CKMT2: variants seen among roughly 807,000 people sequenced by gnomAD.
CKMT2 encodes the protein creatine kinase S-type, mitochondrial.
CKMT2 carries 43 observed loss-of-function variants against 48.9 expected under a neutral mutation model. That is an observed-to-expected ratio of 0.88 (90% CI 0.69 to 1.13). CKMT2 has a LOEUF of 1.13. Among genes scored for constraint, CKMT2 ranks in the 50% most tolerant of loss-of-function variants. The probability of loss-of-function intolerance (pLI) is 0.00; values close to 1 mark genes in which losing one functional copy is unlikely to be tolerated. For missense variants in CKMT2, 472 were observed against 555.4 expected (o/e 0.85, Z 1.51); for synonymous variants, 206 against 213.0 (o/e 0.97, Z 0.29).
chr5:81,258,655 T>C (rs1757100011), intron 7 of CKMT2, among the ~76,000 whole-genome samples: 1 of 152,102 alleles, frequency 6.6e-6, no homozygotes, highest in Non-Finnish European at 1.5e-5. Context: ...TAAGCCAGCA[T>C]TACTACCTGA....
intron 8 of CKMT2, among the ~76,000 whole-genome samples, chr5:81,259,610 T>C (rs775944569): frequency 5.9e-5 from 9 of 152,156 alleles, no homozygotes; most frequent in Non-Finnish European, 1.2e-4. Flanking sequence ...CCTGAAGGAC[T>C]TGGTAAAACA....
At position 81,252,669 on chromosome 5, in the gene CKMT2, GAC is replaced by G. The variant is rs747852236; in HGVS notation, c.153-24_153-23del. 13 of 1,612,400 alleles carry G rather than the reference GAC, an allele frequency of 8.1e-6. No individual in the cohort carries two copies. The South Asian group carries it at 1.2e-4, about 15-fold the overall frequency. ...CCCCTTTCCTCGGGGGCTGCTGGCT[GAC>G]AGCCTGCCCTCCTCCCCACACAGCG... is the stretch of plus-strand genomic sequence containing the variant. On this transcript the variant is annotated intron_variant, in intron 2 of 9. Transcript: ENST00000254035.
chr5:81,265,204 G>A (rs1757347001), intron 9 of CKMT2, among the ~76,000 whole-genome samples: 1 of 152,146 alleles, frequency 6.6e-6, no homozygotes, highest in East Asian at 1.9e-4. Context: ...GTGAGTGAGA[G>A]ACCTATCTCA....
rs751206741 is a variant in CKMT2 at position 81,251,213 on chromosome 5, C to T, written c.81C>T (p.Thr27=). The T allele has an allele frequency of 1.1e-5, 18 of 1,614,186 alleles. No individual in the cohort carries two copies. The highest frequency in any genetic ancestry group is 1.5e-5 in the Non-Finnish European group (18 of 1,180,034). ...CTACCATGGGCACCAGTGTCCTGAC[C>T]ACCGGGTACCTGCTGAACCGGCAGA... The part of the protein sequence containing the change: ...LFATMGTSVL[T]TGYLLNRQKV... The change falls in exon 2 of 10, where the codon ACC becomes ACT. Residue 27 remains threonine (T), a synonymous_variant. Coordinates refer to ENST00000254035, the MANE Select transcript of CKMT2 (RefSeq NM_001099735.2).
intron 6 of CKMT2, among the ~76,000 whole-genome samples, chr5:81,257,508 G>A (rs1320984838): frequency 6.6e-6 from 1 of 152,160 alleles, no homozygotes; most frequent in African/African-American, 2.4e-5. Flanking sequence ...TTATATTCTT[G>A]TTTGGTAAAA....
intron 1 of CKMT2, among the ~76,000 whole-genome samples, chr5:81,237,339 G>A (rs908467128): frequency 5.3e-5 from 8 of 152,062 alleles, no homozygotes; most frequent in African/African-American, 9.7e-5. Context: ...CTGTCCCGTC[G>A]TCTTCACAAC....
At chr5:81,241,476 G>C (rs896197424) in intron 1 of CKMT2, among the ~76,000 whole-genome samples, 5 of 152,140 alleles carry the variant, frequency 3.3e-5, no homozygotes, top group Non-Finnish European at 7.3e-5. Context: ...CAGACATCAA[G>C]GAAGATAGCT....
At chr5:81,265,395 C>T (rs547923040) in intron 9 of CKMT2, among the ~76,000 whole-genome samples, 1 of 152,274 alleles carries the variant, frequency 6.6e-6, no homozygotes, top group East Asian at 1.9e-4. Context: ...ATTCAATGGT[C>T]CCTTCCATCC....
chr5:81,246,283 C>A (rs978480617), intron 1 of CKMT2, among the ~76,000 whole-genome samples: 1 of 151,816 alleles, frequency 6.6e-6, no homozygotes, highest in Admixed American at 6.6e-5. Context: ...CTCCCCTACA[C>A]CCTGCCCGTC....
intron 5 of CKMT2, among the ~76,000 whole-genome samples, chr5:81,255,629 T>G (rs1019890718): frequency 1.3e-5 from 2 of 152,072 alleles, no homozygotes; most frequent in Non-Finnish European, 2.9e-5. Flanking sequence ...AAATTCCAGG[T>G]GGGAGGCCTG....
chr5:81,258,120 G>A lies in CKMT2; in HGVS notation c.879+264G>A, dbSNP rs79745782. Among the ~76,000 whole-genome samples, 384 of 152,122 alleles carry A rather than the reference G, an allele frequency of 2.5e-3. 2 individuals carry two copies. Among genetic ancestry groups the A allele is most frequent in the Middle Eastern group, 0.014 (4 of 294 alleles). The stretch of plus-strand genomic sequence containing the variant: ...TCACCATGTTGGCCAGACTAGCCTC[G>A]AACTCCTGACCACAGGTGATCTGCT... On this transcript the variant is annotated intron_variant, in intron 7 of 9. Coordinates refer to ENST00000254035, the MANE Select transcript of CKMT2 (RefSeq NM_001099735.2).
intron 8 of CKMT2, among the ~76,000 whole-genome samples, chr5:81,261,597 T>C (rs1211643999): frequency 2.6e-5 from 4 of 152,150 alleles, no homozygotes; most frequent in African/African-American, 4.8e-5. Context: ...CCATTCACAA[T>C]TGCTTCAAAG....
chr5:81,256,494 C>G (rs1208729040), intron 5 of CKMT2, among the ~76,000 whole-genome samples: 1 of 152,160 alleles, frequency 6.6e-6, no homozygotes, highest in Non-Finnish European at 1.5e-5. Flanking sequence ...AATAATGAAG[C>G]AATAATGCTA....
chr5:81,258,215 G>C (rs1418620651), intron 7 of CKMT2, among the ~76,000 whole-genome samples: 1 of 149,968 alleles, frequency 6.7e-6, no homozygotes, highest in Non-Finnish European at 1.5e-5. Context: ...GCATTTTTTG[G>C]ATGAGCCACC....
intron 4 of CKMT2, chr5:81,254,742 CT>C: frequency 1.7e-6 from 1 of 595,946 alleles, no homozygotes. Flanking sequence ...AAGCTACTCC[CT>C]TTTTCATCCC....
rs150013847 is a variant in CKMT2 at position 81,251,050 on chromosome 5, C to A, written c.-20-63C>A. The A allele has an allele frequency of 3.2e-4, 422 of 1,321,540 alleles. 2 individuals carry two copies. The African/African-American group carries it at 5.5e-3, about 17-fold the overall frequency. 81.9% of individuals were successfully genotyped at this position (1,321,540 alleles called of 1,614,324 possible). On this transcript the variant is annotated intron_variant, in intron 1 of 9. Transcript: ENST00000254035. The stretch of plus-strand genomic sequence containing the variant: ...CTCCTGCAGTTCTCTTGCCCATTGA[C>A]CCCTATGTTGTGGCTCAGGGTCATC...
intron 3 of CKMT2, among the ~76,000 whole-genome samples, chr5:81,254,170 C>T (rs887494387): frequency 1.9e-4 from 29 of 152,210 alleles, no homozygotes; most frequent in African/African-American, 5.5e-4. Flanking sequence ...CCCACCCTAT[C>T]TCAAGGGGCA....
rs1757386630 is a variant in CKMT2 at position 81,266,391 on chromosome 5, T to C, written c.*133T>C. ...GCCTATCTTTACAATAAAACTCTCCTTAATATATCTTTGCTTTGTTTCTCT... is the reference window on the plus strand; with the variant it reads ...GCCTATCTTTACAATAAAACTCTCCCTAATATATCTTTGCTTTGTTTCTCT... On this transcript the variant is annotated 3_prime_UTR_variant, in exon 10 of 10. Coordinates refer to ENST00000254035, the MANE Select transcript of CKMT2 (RefSeq NM_001099735.2). 1 of 766,002 alleles carries C rather than the reference T, an allele frequency of 1.3e-6. No homozygotes were observed. The highest frequency in any genetic ancestry group is 2.3e-5 in the South Asian group (1 of 44,436). The allele number at this position is 766,002 out of a possible 1,614,324, so 47.5% of individuals were successfully genotyped here.
rs185126755 is a variant in CKMT2 at position 81,261,807 on chromosome 5, G to A, written c.1015-1684G>A. Among the ~76,000 whole-genome samples, 501 of 152,182 alleles carry A rather than the reference G, an allele frequency of 3.3e-3. 9 individuals carry two copies. Among genetic ancestry groups the A allele is most frequent in the Admixed American group, 0.031 (471 of 15,290 alleles). ...ATAGATTCAATGCTATCCCCATCAA[G>A]CTACCATTGACTTCACAGAATTAGA... On this transcript the variant is annotated intron_variant, in intron 8 of 9. Coordinates refer to ENST00000254035, the MANE Select transcript of CKMT2 (RefSeq NM_001099735.2).
Sources: gnomAD v4.1 joint callset for allele counts (sites outside exome capture counted in the v4.1 genomes callset) on GRCh38, gnomAD v4.1.1 for gene constraint, MANE v1.5 for transcripts, NCBI Gene and HGNC (gene_info 2026-07-23, HGNC 2026-07-21) for gene names.